Variants in PUM1 observed in about 807,000 individuals in gnomAD.
PUM1 encodes the protein pumilio RNA binding family member 1.
PUM1 carries 13 observed loss-of-function variants against 131.8 expected under a neutral mutation model. That is an observed-to-expected ratio of 0.10 (90% CI 0.06 to 0.16). The LOEUF is 0.16. Ranked by LOEUF, PUM1 falls within the 10% of genes least tolerant of loss-of-function variation. The pLI, the probability that PUM1 is intolerant of heterozygous loss-of-function variation, is 1.00. For synonymous variants in PUM1, 509 were observed against 556.5 expected, an observed-to-expected ratio of 0.91 and a Z score of 1.20; for missense variants, 961 against 1,512.4, an observed-to-expected ratio of 0.64 and a Z score of 6.05.
At chr1:30,953,360 T>C (rs1349823949) in intron 15 of PUM1, among the ~76,000 whole-genome samples, 1 of 152,204 alleles carries the variant, frequency 6.6e-6, no homozygotes, top group African/African-American at 2.4e-5. Flanking sequence ...TTCTGTCTTC[T>C]ATAATAGTTT....
In PUM1 at chr1:31,059,425, G is replaced by T; in HGVS notation, c.142C>A (p.Pro48Thr). Reference sequence around the variant, plus strand: ...AGAGCCTGATTTGCAGCTGGTTGTGGCTGCGCTTGCGACCCTGTTCCAGAT... The same window carrying T: ...AGAGCCTGATTTGCAGCTGGTTGTGTCTGCGCTTGCGACCCTGTTCCAGAT... Reference protein sequence around the residue: ...LTSGTGSQAQPQPAANQALAA... With the variant: ...LTSGTGSQAQTQPAANQALAA... The change falls in exon 2 of 22, where the codon CCA becomes ACA. Residue 48 changes from proline to threonine, a missense_variant. Pro to Thr is a conservative substitution (Grantham distance 38, BLOSUM62 -1). This residue lies in a region of PUM1 where 654 missense variants were observed against 923.9 expected (regional missense o/e 0.71). Transcript: ENST00000426105. 1 of 1,614,160 alleles carries T rather than the reference G, an allele frequency of 6.2e-7. No individual in the cohort carries two copies. The highest frequency in any genetic ancestry group is 8.5e-7 in the Non-Finnish European group (1 of 1,180,030).
chr1:31,027,229 A>G (rs1643257055), intron 3 of PUM1, among the ~76,000 whole-genome samples: 1 of 152,188 alleles, frequency 6.6e-6, no homozygotes, highest in Non-Finnish European at 1.5e-5. Context: ...GGATCACTTG[A>G]GCCCAAGATT....
At chr1:31,039,242 A>G (rs11487435) in intron 2 of PUM1, among the ~76,000 whole-genome samples, 114,083 of 148,114 alleles carry the variant, frequency 0.77, 44,858 homozygotes, top group African/African-American at 0.92. Flanking sequence ...TTTTTGAGGC[A>G]GAGTCTGGCT....
intron 18 of PUM1, among the ~76,000 whole-genome samples, chr1:30,942,517 T>G (rs1400983005): frequency 6.6e-6 from 1 of 152,004 alleles, no homozygotes; most frequent in Non-Finnish European, 1.5e-5. Flanking sequence ...GACCAAATCC[T>G]GAATGCTTTC....
chr1:30,947,772 C>G (rs1431440773), intron 17 of PUM1, among the ~76,000 whole-genome samples: 1 of 151,792 alleles, frequency 6.6e-6, no homozygotes, highest in Non-Finnish European at 1.5e-5. Flanking sequence ...CTCAAAGCAA[C>G]TAAGATATCA....
chr1:30,969,438 C>G (rs1640782817), intron 10 of PUM1, among the ~76,000 whole-genome samples: 1 of 151,468 alleles, frequency 6.6e-6, no homozygotes, highest in Non-Finnish European at 1.5e-5. Context: ...CACATGCACA[C>G]AAAAGATGGA....
rs544620712 is a variant in PUM1 at position 31,054,984 on chromosome 1, C to CA, written c.363+4219dup. 4.0e-5 allele frequency among the ~76,000 whole-genome samples: 6 copies of CA among 151,874 alleles called. No homozygotes were observed. In the East Asian group the frequency reaches 9.6e-4, roughly 24 times the overall value. The stretch of plus-strand genomic sequence containing the variant: ...AACAAAGCCTCAGTTTCTCACTTTT[C>CA]AAAAAAGGGTATTTATCTCCTTCAT... On this transcript the variant is annotated intron_variant, in intron 2 of 21. Coordinates refer to ENST00000426105, the MANE Select transcript of PUM1 (RefSeq NM_001020658.2).
intron 10 of PUM1, among the ~76,000 whole-genome samples, chr1:30,973,919 T>A (rs1570173664): frequency 6.6e-6 from 1 of 151,892 alleles, no homozygotes; most frequent in South Asian, 2.1e-4. Context: ...GAAACCCCAT[T>A]TCTACTAAAA....
At chr1:30,991,125 C>T (rs1377428512) in intron 7 of PUM1, among the ~76,000 whole-genome samples, 4 of 151,278 alleles carry the variant, frequency 2.6e-5, no homozygotes, top group African/African-American at 4.9e-5. Flanking sequence ...GAGACAAACC[C>T]TTCTTAAAAA....
At chr1:30,954,908 A>T (rs1158879641) in intron 14 of PUM1, among the ~76,000 whole-genome samples, 1 of 152,036 alleles carries the variant, frequency 6.6e-6, no homozygotes, top group Non-Finnish European at 1.5e-5. Context: ...AAAAAAAAAT[A>T]AAAAATAAAA....
chr1:30,950,395 T>C (rs1007401771), intron 16 of PUM1, 134 bp from the exon 17 acceptor site: 2 of 864,648 alleles, frequency 2.3e-6, no homozygotes, highest in African/African-American at 3.4e-5. Context: ...TAACTAAACC[T>C]TTTATTTAAA....
chr1:31,013,972 T>C (rs975902756), intron 3 of PUM1, among the ~76,000 whole-genome samples: 2 of 152,170 alleles, frequency 1.3e-5, no homozygotes, highest in African/African-American at 4.8e-5. Flanking sequence ...CTGGTTAGCG[T>C]AATTCTTTTG....
intron 4 of PUM1, 69 bp from the exon 5 acceptor site, chr1:31,006,100 A>C: frequency 1.5e-6 from 2 of 1,351,126 alleles, no homozygotes; most frequent in Non-Finnish European, 2.0e-6. Context: ...GTGATGTCTC[A>C]TGGATAACCA....
chr1:31,036,056 C>T (rs1292789027), intron 2 of PUM1, among the ~76,000 whole-genome samples: 1 of 151,668 alleles, frequency 6.6e-6, no homozygotes, highest in Non-Finnish European at 1.5e-5. Flanking sequence ...GATAAAGATC[C>T]GAAATAGAAT....
chr1:31,009,144 C>T (rs935914069), intron 3 of PUM1, among the ~76,000 whole-genome samples: 1 of 151,094 alleles, frequency 6.6e-6, no homozygotes, highest in African/African-American at 2.4e-5. Context: ...GATCATGCCA[C>T]TGAACTCCAG....
At chr1:31,036,656 C>T (rs1040430691) in intron 2 of PUM1, 1 of 152,230 alleles carries the variant, frequency 6.6e-6, no homozygotes, top group Non-Finnish European at 1.5e-5. Flanking sequence ...TCTGAGGCCT[C>T]GAGCTCTCCA....
intron 15 of PUM1, among the ~76,000 whole-genome samples, chr1:30,952,875 C>CTGAA (rs1377631095): frequency 2.0e-5 from 3 of 152,034 alleles, no homozygotes; most frequent in Non-Finnish European, 4.4e-5. Context: ...ACTCGGGAGG[C>CTGAA]TGAAGCAGGA....
At chr1:31,026,935 C>T in intron 3 of PUM1, among the ~76,000 whole-genome samples, 1 of 92,116 alleles carries the variant, frequency 1.1e-5, no homozygotes, top group East Asian at 3.9e-4. Flanking sequence ...GAATTATATA[C>T]ATATACCACA....
chr1:31,031,777 T>C (rs1172798968), intron 2 of PUM1, among the ~76,000 whole-genome samples: 1 of 152,228 alleles, frequency 6.6e-6, no homozygotes, highest in Non-Finnish European at 1.5e-5. Flanking sequence ...ATCCTGCCCT[T>C]GTAGCATTTT....
Sources: gnomAD v4.1 joint callset for allele counts (sites outside exome capture counted in the v4.1 genomes callset) on GRCh38, gnomAD v4.1.1 for gene constraint, gnomAD v4.1.1 regional missense constraint, MANE v1.5 for transcripts, NCBI Gene and HGNC (gene_info 2026-07-23, HGNC 2026-07-21) for gene names.